RNF34: variants seen among roughly 807,000 people sequenced by gnomAD.
RNF34 encodes the protein ring finger protein 34.
A neutral mutation model predicts 37.9 loss-of-function variants in RNF34; 12 were observed. The observed-to-expected ratio is 0.32, with a 90% CI of 0.20 to 0.51. RNF34 has a LOEUF of 0.51. Ranked by LOEUF, RNF34 falls within the 20% of genes least tolerant of loss-of-function variation. The pLI, the probability that RNF34 is intolerant of heterozygous loss-of-function variation, is 0.97. For missense variants in RNF34, 362 were observed against 472.7 expected, an observed-to-expected ratio of 0.77 and a Z score of 2.17; for synonymous variants, 155 against 177.2, an observed-to-expected ratio of 0.87 and a Z score of 1.00.
Position 121,420,256 on chromosome 12 carries a change from C to A in RNF34, c.648C>A (p.Ile216=). 1 of 1,606,814 alleles carries A rather than the reference C, an allele frequency of 6.2e-7. No homozygotes were observed. The highest frequency in any genetic ancestry group is 1.1e-5 in the South Asian group (1 of 90,164). ...SGVPAQVQSE[I]TSANTEDDDD... Reference sequence around the variant, plus strand: ...TATAAGTGTAGGTACAAAGTGAAATCACTTCAGCAAACACAGAAGATGATG... The same window carrying A: ...TATAAGTGTAGGTACAAAGTGAAATAACTTCAGCAAACACAGAAGATGATG... The change falls in exon 4 of 6, where the codon ATC becomes ATA. Residue 216 remains isoleucine, a synonymous_variant. Transcript: ENST00000361234.
chr12:121,423,612 C>T lies in RNF34; in HGVS notation c.*36C>T. On this transcript the variant is annotated 3_prime_UTR_variant, in exon 6 of 6. Transcript: ENST00000361234. This position sits in a 1 kb window ranked among gnomAD's most constrained non-coding sequence, Gnocchi z 4.3. The stretch of plus-strand genomic sequence containing the variant: ...CCTCACCAGGACAGTCACCCCCAAA[C>T]TTGACCCCCAACATTTCAATGCACA... 1.3e-6 allele frequency: 2 copies of T among 1,575,348 alleles called. No individual in the cohort carries two copies. Among genetic ancestry groups the T allele is most frequent in the Non-Finnish European group, 1.7e-6 (2 of 1,150,186 alleles).
rs527945351 is a variant in RNF34, at chr12:121,420,412, A to C, written c.726+78A>C. On this transcript the variant is annotated intron_variant, in intron 4 of 5. Transcript: ENST00000361234. The stretch of plus-strand genomic sequence containing the variant: ...GGACAGTGCCCTGTGGACATTCGCT[A>C]GATTAGTACAGGATGTTTCTTCTGG... 2.0e-4 allele frequency: 311 copies of C among 1,552,424 alleles called. 4 individuals are homozygous for C. The South Asian group carries it at 3.6e-3, about 18-fold the overall frequency.
At chr12:121,407,852 A>G (rs1870692930) in intron 1 of RNF34, among the ~76,000 whole-genome samples, 1 of 152,190 alleles carries the variant, frequency 6.6e-6, no homozygotes, top group Admixed American at 6.5e-5. Context: ...AAGGAAATAT[A>G]ACAGAGGCAG....
At chr12:121,409,105 G>A (rs1288474646) in intron 1 of RNF34, among the ~76,000 whole-genome samples, 2 of 151,936 alleles carry the variant, frequency 1.3e-5, no homozygotes, top group African/African-American at 2.4e-5. Flanking sequence ...TCAGCCTCTC[G>A]AGTAGCTTGG....
intron 1 of RNF34, chr12:121,415,355 TCA>T: frequency 2.8e-6 from 1 of 359,360 alleles, no homozygotes; most frequent in Middle Eastern, 4.0e-4. Context: ...GCATAGTGGC[TCA>T]CACTTGTAAT....
intron 5 of RNF34, among the ~76,000 whole-genome samples, chr12:121,422,651 C>G (rs949879690): frequency 6.6e-6 from 1 of 152,212 alleles, no homozygotes; most frequent in African/African-American, 2.4e-5. Flanking sequence ...TCATGATTCC[C>G]TTTGATCTCC....
intron 1 of RNF34, among the ~76,000 whole-genome samples, chr12:121,404,655 T>A (rs1870350260): frequency 6.6e-6 from 1 of 152,002 alleles, no homozygotes; most frequent in African/African-American, 2.4e-5. Context: ...AGTGCTGGGA[T>A]TAGAGGTGTG....
chr12:121,416,634 T>C (rs141745301), intron 2 of RNF34: 59 of 326,096 alleles, frequency 1.8e-4, no homozygotes, highest in African/African-American at 1.0e-3. Flanking sequence ...TTTTCTATTA[T>C]GTTTATTTCC....
intron 1 of RNF34, chr12:121,409,794 CCT>C (rs1870872853): frequency 6.6e-6 from 1 of 152,270 alleles, no homozygotes; most frequent in African/African-American, 2.4e-5. Flanking sequence ...GACTAAAACA[CCT>C]GTTTCACTGA....
rs1555283878 is a variant in RNF34, at chr12:121,423,787, G to T, written c.*211G>T. 5.7e-6 allele frequency: 3 copies of T among 523,002 alleles called. No homozygotes were observed. The African/African-American group carries it at 5.8e-5, about 10-fold the overall frequency. 32.4% of individuals were successfully genotyped at this position (523,002 alleles called of 1,614,324 possible). A position where few individuals can be genotyped will look rare whatever the true frequency, so the allele number is the denominator to read the frequency against. On this transcript the variant is annotated 3_prime_UTR_variant, in exon 6 of 6. Transcript: ENST00000361234. This position sits in a 1 kb window ranked among gnomAD's most constrained non-coding sequence, Gnocchi z 4.3. ...GCCTGTGGACACGTGAGCTTCCCGG[G>T]CTCAGCTGGGCTTTATCACACATCC...
intron 5 of RNF34, among the ~76,000 whole-genome samples, chr12:121,421,451 G>A (rs1423199373): frequency 6.7e-6 from 1 of 149,744 alleles, no homozygotes; most frequent in Non-Finnish European, 1.5e-5. Context: ...TACTTGGGAG[G>A]CTGAGGGGGG....
chr12:121,407,529 G>T (rs1454693389), intron 1 of RNF34, among the ~76,000 whole-genome samples: 3 of 152,258 alleles, frequency 2.0e-5, no homozygotes, highest in African/African-American at 7.2e-5. Context: ...TGAACTGACT[G>T]CAAATTCGGA....
At chr12:121,415,794 G>A (rs1555282068) in intron 1 of RNF34, among the ~76,000 whole-genome samples, 1 of 146,296 alleles carries the variant, frequency 6.8e-6, no homozygotes, top group Non-Finnish European at 1.5e-5. Context: ...AGAATTTTTA[G>A]TATATGCATA....
intron 1 of RNF34, among the ~76,000 whole-genome samples, chr12:121,403,133 A>G (rs1353143879): frequency 6.6e-6 from 1 of 152,218 alleles, no homozygotes; most frequent in Non-Finnish European, 1.5e-5. Context: ...GCGGTGGCTC[A>G]CGCCTGTAGT....
Position 121,400,177 on chromosome 12 carries a change from C to T in RNF34, c.-36C>T, listed in dbSNP as rs1555279817. The T allele has an allele frequency of 1.2e-6, 2 of 1,605,924 alleles. No homozygotes were observed. The highest frequency in any genetic ancestry group is 2.2e-5 in the East Asian group (1 of 44,552). On this transcript the variant is annotated 5_prime_UTR_variant, in exon 1 of 6. Coordinates refer to ENST00000361234, the MANE Select transcript of RNF34 (RefSeq NM_025126.4). ...GAGGAGCTGCTATGGTGCTGAGTTT[C>T]CTGGTAGAGCCGGCCGAGCTGAGGC...
chr12:121,422,892 C>A (rs1433098167), intron 5 of RNF34, among the ~76,000 whole-genome samples: 1 of 150,060 alleles, frequency 6.7e-6, no homozygotes, highest in African/African-American at 2.5e-5. Context: ...GGGAAGGATG[C>A]ACAATTATTC....
At chr12:121,419,335 C>G (rs538349327) in intron 3 of RNF34, among the ~76,000 whole-genome samples, 1 of 152,154 alleles carries the variant, frequency 6.6e-6, no homozygotes, top group African/African-American at 2.4e-5. Flanking sequence ...CTGTGATGTT[C>G]GCACAATGAC....
At chr12:121,400,340 G>GA (rs1869850861) in intron 1 of RNF34, 122 bp downstream of exon 1, 2 of 1,212,414 alleles carry the variant, frequency 1.6e-6, no homozygotes, top group Non-Finnish European at 2.3e-6. Context: ...GAGCTGCGCT[G>GA]AGGGGGGTCG....
intron 1 of RNF34, among the ~76,000 whole-genome samples, chr12:121,400,822 A>T (rs1869915631): frequency 6.6e-6 from 1 of 152,194 alleles, no homozygotes; most frequent in African/African-American, 2.4e-5. Flanking sequence ...TGGCAGCTTG[A>T]GTTCTCCAAG....
Sources: gnomAD v4.1 joint callset for allele counts (sites outside exome capture counted in the v4.1 genomes callset) on GRCh38, gnomAD v4.1.1 for gene constraint, Gnocchi (gnomAD v3.1) non-coding constraint, MANE v1.5 for transcripts, NCBI Gene and HGNC (gene_info 2026-07-23, HGNC 2026-07-21) for gene names.